Variants in MCTP1 observed in about 807,000 individuals in gnomAD.
MCTP1 encodes the protein multiple C2 and transmembrane domain-containing protein 1.
A neutral mutation model predicts 120.6 loss-of-function variants in MCTP1; 69 were observed. That is an observed-to-expected ratio of 0.57 (90% CI 0.47 to 0.70). The LOEUF is 0.70. MCTP1 is among the 30% of genes least tolerant of loss of function. The probability of loss-of-function intolerance (pLI) is 0.00; values close to 1 mark genes in which losing one functional copy is unlikely to be tolerated. For synonymous variants in MCTP1, 529 were observed against 493.1 expected (o/e 1.07, Z -0.96); for missense variants, 1,203 against 1,248.8 (o/e 0.96, Z 0.55).
At chr5:95,014,516 T>C (rs913737439) in intron 2 of MCTP1, among the ~76,000 whole-genome samples, 1 of 152,144 alleles carries the variant, frequency 6.6e-6, no homozygotes, top group Non-Finnish European at 1.5e-5. Flanking sequence ...AGCTGTTTCT[T>C]ATGAATGAGC....
At chr5:94,853,774 C>T (rs1794211270) in intron 17 of MCTP1, among the ~76,000 whole-genome samples, 1 of 151,888 alleles carries the variant, frequency 6.6e-6, no homozygotes, top group Admixed American at 6.6e-5. Context: ...TACATAAGAA[C>T]TTGGATGCCT....
chr5:94,928,501 T>C (rs544316456), intron 6 of MCTP1, among the ~76,000 whole-genome samples: 1 of 152,270 alleles, frequency 6.6e-6, no homozygotes, highest in East Asian at 1.9e-4. Flanking sequence ...GTCACATAAG[T>C]GTAACTCTTT....
chr5:94,909,953 A>G (rs913073054), intron 9 of MCTP1, among the ~76,000 whole-genome samples: 4 of 152,068 alleles, frequency 2.6e-5, no homozygotes, highest in Non-Finnish European at 5.9e-5. Flanking sequence ...ATCTCATGTT[A>G]TAGATGGATA....
chr5:94,819,127 ATTCATTCT>A lies in MCTP1; in HGVS notation c.2437-20003_2437-19996del, dbSNP rs1201496253. ...TATTTATTTATTTATTTATTCATTC[ATTCATTCT>A]TTCATTCATTCGAGATGGAGTCTCA... On this transcript the variant is annotated intron_variant, in intron 17 of 22. Coordinates refer to ENST00000515393, the MANE Select transcript of MCTP1 (RefSeq NM_024717.7). Among the ~76,000 whole-genome samples the A allele has an allele frequency of 1.1e-3, 172 of 150,700 alleles. 1 individual carries two copies. The highest frequency in any genetic ancestry group is 2.5e-3 in the South Asian group (12 of 4,746).
At chr5:95,207,024 C>T (rs1297857117) in intron 1 of MCTP1, among the ~76,000 whole-genome samples, 1 of 152,106 alleles carries the variant, frequency 6.6e-6, no homozygotes, top group Non-Finnish European at 1.5e-5. Flanking sequence ...TCCAATAGAT[C>T]AATGATTTTC....
chr5:95,015,619 G>A lies in MCTP1; in HGVS notation c.838+1748C>T, dbSNP rs778687275. Among the ~76,000 whole-genome samples the A allele has an allele frequency of 4.4e-4, 67 of 152,124 alleles. 1 individual carries two copies. Among genetic ancestry groups the A allele is most frequent in the Middle Eastern group, 6.8e-3 (2 of 294 alleles). ...TATGTATTTCTTTCTTACATAGAAC[G>A]TTGCATATTGTTGATACTCTTTTGT... is the stretch of plus-strand genomic sequence containing the variant. On this transcript the variant is annotated intron_variant, in intron 2 of 22. Coordinates refer to ENST00000515393, the MANE Select transcript of MCTP1 (RefSeq NM_024717.7).
intron 19 of MCTP1, among the ~76,000 whole-genome samples, chr5:94,725,367 T>C (rs1561532733): frequency 6.6e-6 from 1 of 152,134 alleles, no homozygotes; most frequent in Non-Finnish European, 1.5e-5. Context: ...TTCTACAAGC[T>C]CAGTAGTTAA....
intron 19 of MCTP1, among the ~76,000 whole-genome samples, chr5:94,768,711 C>T (rs1485274966): frequency 1.3e-5 from 2 of 152,016 alleles, no homozygotes; most frequent in Non-Finnish European, 2.9e-5. Flanking sequence ...GTTAAGATGG[C>T]TGTTATCAAA....
chr5:95,170,567 G>A (rs1241228827), intron 1 of MCTP1, among the ~76,000 whole-genome samples: 1 of 152,124 alleles, frequency 6.6e-6, no homozygotes, highest in Non-Finnish European at 1.5e-5. Context: ...AAGTCTCTAA[G>A]GACTTGCTTT....
At chr5:95,026,676 G>T (rs1471609775) in intron 1 of MCTP1, among the ~76,000 whole-genome samples, 1 of 152,136 alleles carries the variant, frequency 6.6e-6, no homozygotes, top group Non-Finnish European at 1.5e-5. Context: ...GTACAGTGGG[G>T]GAGGGGTATG....
chr5:95,162,205 ATGTTT>A (rs1582403053), intron 1 of MCTP1, among the ~76,000 whole-genome samples: 1 of 152,214 alleles, frequency 6.6e-6, no homozygotes, highest in African/African-American at 2.4e-5. Flanking sequence ...ATGTACTGTT[ATGTTT>A]ACATAGAGAT....
chr5:94,975,380 G>A (rs367838018), intron 2 of MCTP1, among the ~76,000 whole-genome samples: 1 of 151,886 alleles, frequency 6.6e-6, no homozygotes, highest in Non-Finnish European at 1.5e-5. Flanking sequence ...ATAAGACAAA[G>A]AAGAGACACG....
chr5:94,842,255 T>G (rs1416740629), intron 17 of MCTP1, among the ~76,000 whole-genome samples: 1 of 152,186 alleles, frequency 6.6e-6, no homozygotes, highest in Non-Finnish European at 1.5e-5. Context: ...TTTTTCCCCC[T>G]GTAGACATTA....
At chr5:94,737,324 C>T (rs753632677) in intron 19 of MCTP1, among the ~76,000 whole-genome samples, 5 of 152,174 alleles carry the variant, frequency 3.3e-5, no homozygotes, top group Non-Finnish European at 7.3e-5. Flanking sequence ...TAGTATCTAA[C>T]ATATTGGGGC....
chr5:94,941,467 GTTC>G (rs1817699926), intron 4 of MCTP1, among the ~76,000 whole-genome samples: 2 of 151,984 alleles, frequency 1.3e-5, no homozygotes, highest in Admixed American at 1.3e-4. Flanking sequence ...GCATAAGTGA[GTTC>G]TACACTTTAT....
chr5:94,717,289 T>C (rs966804582), intron 19 of MCTP1, among the ~76,000 whole-genome samples: 1 of 152,162 alleles, frequency 6.6e-6, no homozygotes, highest in Non-Finnish European at 1.5e-5. Flanking sequence ...ATTATTTCAA[T>C]AGACGCGAAA....
At chr5:94,976,745 C>T (rs1828202593) in intron 2 of MCTP1, 1 of 151,910 alleles carries the variant, frequency 6.6e-6, no homozygotes, top group Admixed American at 6.6e-5. Flanking sequence ...AGATTGTTAC[C>T]CCTCACTGAT....
intron 12 of MCTP1, among the ~76,000 whole-genome samples, chr5:94,875,087 A>G (rs1334866588): frequency 6.6e-6 from 1 of 152,178 alleles, no homozygotes; most frequent in African/African-American, 2.4e-5. Context: ...GTTTACATTG[A>G]AGAAGAAGAC....
chr5:94,948,114 C>G (rs1819573481), intron 3 of MCTP1, among the ~76,000 whole-genome samples: 1 of 152,018 alleles, frequency 6.6e-6, no homozygotes, highest in African/African-American at 2.4e-5. Context: ...GTAAAACAAA[C>G]AAACAAAAAC....
Sources: gnomAD v4.1 joint callset for allele counts (sites outside exome capture counted in the v4.1 genomes callset) on GRCh38, gnomAD v4.1.1 for gene constraint, MANE v1.5 for transcripts, NCBI Gene and HGNC (gene_info 2026-07-23, HGNC 2026-07-21) for gene names.